The following DAB1 variants were observed in gnomAD, a reference collection of about 807,000 sequenced individuals.
The protein encoded by DAB1 is disabled homolog 1.
A neutral mutation model predicts 64.6 loss-of-function variants in DAB1; 15 were observed. The observed-to-expected ratio is 0.23, with a 90% confidence interval of 0.16 to 0.36. The LOEUF (loss-of-function observed/expected upper bound fraction) is 0.36. Ranked by LOEUF, DAB1 falls within the 10% of genes least tolerant of loss-of-function variation. The pLI is 1.00. For synonymous variants in DAB1, 235 were observed against 251.9 expected (o/e 0.93, Z 0.64); for missense variants, 596 against 706.7 (o/e 0.84, Z 1.78).
At chr1:57,695,309 AAAG>A (rs1646815208) in intron 6 of DAB1, among the ~76,000 whole-genome samples, 1 of 100,608 alleles carries the variant, frequency 9.9e-6, no homozygotes, top group Non-Finnish European at 1.9e-5. Flanking sequence ...GGAAAGAAAG[AAAG>A]AAAGAAAGAA....
intron 6 of DAB1, among the ~76,000 whole-genome samples, chr1:57,714,842 T>G (rs1026424644): frequency 6.6e-6 from 1 of 151,976 alleles, no homozygotes; most frequent in Admixed American, 6.6e-5. Context: ...GGTGTAAAGG[T>G]ATGATTGGGA....
At chr1:57,234,209 T>C (rs940956723) in intron 2 of DAB1, among the ~76,000 whole-genome samples, 3 of 152,154 alleles carry the variant, frequency 2.0e-5, no homozygotes, top group South Asian at 2.1e-4. Context: ...TTTAAAAGCA[T>C]TCATGAGGCT....
At chr1:58,285,879 C>A (rs57268481) in intron 4 of DAB1, among the ~76,000 whole-genome samples, 2,651 of 152,214 alleles carry the variant, frequency 0.017, 72 homozygotes, top group African/African-American at 0.061. Context: ...GTAAAAAGAG[C>A]AAAGCTGGAG....
chr1:58,124,179 A>G lies in DAB1; in HGVS notation n.387+26332T>C, dbSNP rs112897234. 6.7e-3 allele frequency among the ~76,000 whole-genome samples: 1,022 copies of G among 151,642 alleles called. 18 individuals carry two copies. The highest frequency in any genetic ancestry group is 0.024 in the African/African-American group (980 of 41,256). On this transcript the variant is annotated intron_variant and non_coding_transcript_variant, in intron 5 of 20. Transcript: ENST00000485760. ...TAAAATAGTTGCTATCAGATTATAT[A>G]TATATTCTTAGATTATATATATATA...
intron 7 of DAB1, among the ~76,000 whole-genome samples, chr1:57,527,436 A>G (rs141271965): frequency 7.6e-4 from 115 of 152,280 alleles, no homozygotes; most frequent in African/African-American, 2.7e-3. Context: ...TTTCTTGAGA[A>G]AAAGGAGGCA....
intron 1 of DAB1, among the ~76,000 whole-genome samples, chr1:57,374,591 C>G (rs1344428403): frequency 6.6e-6 from 1 of 152,142 alleles, no homozygotes. Flanking sequence ...TTCAAAGAGT[C>G]TTGATCTTTC....
intron 6 of DAB1, among the ~76,000 whole-genome samples, chr1:57,690,002 A>G (rs1212538569): frequency 2.0e-5 from 3 of 152,154 alleles, no homozygotes; most frequent in Non-Finnish European, 4.4e-5. Context: ...GTGATAACAC[A>G]TCATGTTTGT....
intron 6 of DAB1, among the ~76,000 whole-genome samples, chr1:57,680,241 G>C (rs1338415879): frequency 6.6e-6 from 1 of 152,150 alleles, no homozygotes; most frequent in African/African-American, 2.4e-5. Flanking sequence ...TTCTTAGCTG[G>C]GAACTATACT....
At chr1:58,162,992 T>A (rs1557677624) in intron 4 of DAB1, among the ~76,000 whole-genome samples, 6 of 152,104 alleles carry the variant, frequency 3.9e-5, no homozygotes. Context: ...GACAGGGTGC[T>A]GCTAAACATC....
intron 5 of DAB1, among the ~76,000 whole-genome samples, chr1:57,917,896 T>C (rs1035303508): frequency 1.3e-5 from 2 of 151,978 alleles, no homozygotes; most frequent in Non-Finnish European, 2.9e-5. Flanking sequence ...TAATGAGGTA[T>C]CATTTTCTAA....
intron 6 of DAB1, among the ~76,000 whole-genome samples, chr1:57,731,620 C>T (rs1202152736): frequency 2.0e-5 from 3 of 151,994 alleles, no homozygotes; most frequent in East Asian, 3.9e-4. Flanking sequence ...GCCTGGCCAA[C>T]GTGGTGAAAT....
In DAB1 at chr1:58,219,025, C is replaced by CTCTCTCTCTCTCTCTCTCTCTG. The variant is rs376130413; in HGVS notation, n.310-68438_310-68437insCAGAGAGAGAGAGAGAGAGAGA. ...TCTCTCTCTCTCTCTCTCTCTCTCT[C>CTCTCTCTCTCTCTCTCTCTCTG]TGTGTGTGTGTGTGTGTGTTTCAAT... On this transcript the variant is annotated intron_variant and non_coding_transcript_variant, in intron 4 of 20. Coordinates refer to the DAB1 transcript ENST00000485760. Among the ~76,000 whole-genome samples the CTCTCTCTCTCTCTCTCTCTCTG allele has an allele frequency of 2.0e-3, 264 of 129,514 alleles. 1 individual carries two copies. The highest frequency in any genetic ancestry group is 6.3e-3 in the East Asian group (26 of 4,142). The allele number at this position is 129,514 out of a possible 152,430, so 85.0% of individuals were successfully genotyped here.
intron 4 of DAB1, among the ~76,000 whole-genome samples, chr1:58,276,572 G>C (rs1661449809): frequency 6.6e-6 from 1 of 152,198 alleles, no homozygotes; most frequent in Non-Finnish European, 1.5e-5. Flanking sequence ...AAGAAAAGGT[G>C]TGTGCTGAGT....
Position 58,402,339 on chromosome 1 carries a change from C to T in DAB1, n.258-58936G>A, listed in dbSNP as rs764881628. Reference sequence around the variant, plus strand: ...TCCCCTCTCCCAACACCCCCTTACCCGCAAGAAACGTGTAACTAGCAGGGT... The same window carrying T: ...TCCCCTCTCCCAACACCCCCTTACCTGCAAGAAACGTGTAACTAGCAGGGT... On this transcript the variant is annotated intron_variant and non_coding_transcript_variant, in intron 3 of 20. Transcript: ENST00000485760. Among the ~76,000 whole-genome samples the T allele has an allele frequency of 1.1e-3, 171 of 152,306 alleles. 1 individual carries two copies. The highest frequency in any genetic ancestry group is 1.7e-3 in the Admixed American group (26 of 15,304).
At chr1:58,075,813 T>C (rs1649601669) in intron 5 of DAB1, among the ~76,000 whole-genome samples, 1 of 152,176 alleles carries the variant, frequency 6.6e-6, no homozygotes, top group East Asian at 1.9e-4. Flanking sequence ...TGGCTCTATC[T>C]CTGTCCCTCT....
intron 7 of DAB1, among the ~76,000 whole-genome samples, chr1:57,496,342 A>G (rs906296649): frequency 6.6e-6 from 1 of 152,128 alleles, no homozygotes; most frequent in Admixed American, 6.6e-5. Context: ...ACTACAGGAG[A>G]GAACTTGCAA....
chr1:57,034,430 T>C (rs566926881), intron 9 of DAB1, among the ~76,000 whole-genome samples: 1 of 152,204 alleles, frequency 6.6e-6, no homozygotes, highest in Non-Finnish European at 1.5e-5. Context: ...ACATTATCTA[T>C]GTATCTATGT....
chr1:58,119,544 C>G (rs1652609496), intron 5 of DAB1, among the ~76,000 whole-genome samples: 1 of 152,082 alleles, frequency 6.6e-6, no homozygotes, highest in Admixed American at 6.6e-5. Flanking sequence ...AATCATGGAC[C>G]TGCATTTACA....
intron 1 of DAB1, among the ~76,000 whole-genome samples, chr1:57,401,490 A>C (rs1399407881): frequency 6.6e-6 from 1 of 152,230 alleles, no homozygotes; most frequent in Non-Finnish European, 1.5e-5. Context: ...TCAAAAGTAC[A>C]GTAGGAACAG....
Sources: gnomAD v4.1 joint callset for allele counts (sites outside exome capture counted in the v4.1 genomes callset) on GRCh38, gnomAD v4.1.1 for gene constraint, MANE v1.5 for transcripts, NCBI Gene and HGNC (gene_info 2026-07-23, HGNC 2026-07-21) for gene names.